The following CLCNKA variants were observed in gnomAD, a reference collection of about 807,000 sequenced individuals.
CLCNKA encodes chloride voltage-gated channel Ka, also known as chloride channel protein ClC-Ka.
A neutral mutation model predicts 83.3 loss-of-function variants in CLCNKA; 66 were observed. The ratio of observed to expected loss-of-function variants is 0.79; its 90% CI spans 0.65 to 0.97. CLCNKA has a LOEUF of 0.97. Ranked by LOEUF, CLCNKA falls within the 50% of genes least tolerant of loss-of-function variation. The probability of loss-of-function intolerance (pLI) is 0.00; values close to 1 mark genes in which losing one functional copy is unlikely to be tolerated. For missense variants in CLCNKA, 806 were observed against 888.7 expected, an observed-to-expected ratio of 0.91 and a Z score of 1.18; for synonymous variants, 357 against 370.4, an observed-to-expected ratio of 0.96 and a Z score of 0.42.
intron 3 of CLCNKA, 84 bp from the exon 4 acceptor site, chr1:16,024,679 C>G: frequency 3.8e-6 from 6 of 1,585,486 alleles, no homozygotes; most frequent in Non-Finnish European, 4.3e-6. Flanking sequence ...ACTCCATTTC[C>G]TGGTCAGTAA....
chr1:16,027,952 C>A (rs1436200184), intron 9 of CLCNKA, 47 bp downstream of exon 9: 5 of 1,614,028 alleles, frequency 3.1e-6, no homozygotes, highest in Non-Finnish European at 4.2e-6. Flanking sequence ...GCATTCCCCC[C>A]AAGGCCTGGA....
chr1:16,029,437 A>T (rs1375769374), intron 12 of CLCNKA, 138 bp downstream of exon 12: 1 of 1,338,594 alleles, frequency 7.5e-7, no homozygotes, highest in Non-Finnish European at 1.0e-6. Context: ...TGCCCACTGC[A>T]TGGTCCTGGA....
At chr1:16,024,982 C>T in intron 4 of CLCNKA, 91 bp downstream of exon 4, 2 of 1,542,032 alleles carry the variant, frequency 1.3e-6, no homozygotes, top group South Asian at 1.1e-5. Context: ...AAGCTGCAGC[C>T]TCATTTCTCA....
chr1:16,028,556 T>C (rs1315633675), intron 10 of CLCNKA: 4 of 706,260 alleles, frequency 5.7e-6, no homozygotes, highest in Non-Finnish European at 7.7e-6. Flanking sequence ...CCCTCAGTCA[T>C]ACCCAGTTGA....
At position 16,028,798 on chromosome 1, in the gene CLCNKA, G is replaced by A. The variant is rs369364364; in HGVS notation, c.1006G>A (p.Ala336Thr). Residue 336 changes from alanine to threonine, a missense_variant, in exon 11 of 20, where the codon GCC becomes ACC. Coordinates refer to ENST00000331433, the MANE Select transcript of CLCNKA (RefSeq NM_004070.4). ...VYSALATLLL[A>T]SITYPPGVGH... is the part of the protein sequence containing the mutation. ...CTCCGCTCTGGCCACCTTGCTTCTC[G>A]CCTCCATCACCTACCCGCCTGGTGT... 4.0e-5 allele frequency: 64 copies of A among 1,613,978 alleles called. No individual in the cohort carries two copies. The highest frequency in any genetic ancestry group is 6.7e-5 in the Admixed American group (4 of 59,996).
intron 18 of CLCNKA, 98 bp downstream of exon 18, chr1:16,032,624 G>A (rs962019601): frequency 3.9e-5 from 36 of 917,526 alleles, no homozygotes; most frequent in Non-Finnish European, 5.0e-5. Context: ...ACCCCGCCCC[G>A]CCCATCTTAT....
rs1557457630 is a variant in CLCNKA at position 16,032,491 on chromosome 1, AC to A, written c.1897del (p.Leu633Ter). 6.2e-7 allele frequency: 1 copy of A among 1,613,252 alleles called. No homozygotes were observed. The highest frequency in any genetic ancestry group is 1.1e-5 in the South Asian group (1 of 91,088). ...CAGGGGCTGCCCCACGGAACCAGTG[AC>A]CCTGACGCTATTCTCAGAGACCACC... ...LARGCPTEPV[T>X]LTLFSETTLH... is the part of the protein sequence containing the mutation. On this transcript the variant is annotated frameshift_variant, in exon 18 of 20. Coordinates refer to ENST00000331433, the MANE Select transcript of CLCNKA (RefSeq NM_004070.4). LOFTEE classifies it high-confidence loss of function.
intron 1 of CLCNKA, 115 bp from the exon 2 acceptor site, chr1:16,022,498 A>G (rs1408094023): frequency 3.2e-5 from 23 of 707,694 alleles, no homozygotes; most frequent in Non-Finnish European, 7.1e-6. Context: ...TAACACACAC[A>G]CACACGCACA....
In CLCNKA at chr1:16,029,117, C is replaced by T; in HGVS notation, c.1054-9C>T. On this transcript the variant is annotated splice_polypyrimidine_tract_variant and intron_variant, in intron 11 of 19. Transcript: ENST00000331433. ...CCCTCATGTCCAGTTCCCACCTGCC[C>T]CGCCACAGCTGTCCATGAAGCAGCA... is the stretch of plus-strand genomic sequence containing the variant. 6.2e-7 allele frequency: 1 copy of T among 1,610,700 alleles called. No individual in the cohort carries two copies.
chr1:16,026,739 G>A lies in CLCNKA; in HGVS notation c.619G>A (p.Val207Met). 1.9e-6 allele frequency: 3 copies of A among 1,613,540 alleles called. No individual in the cohort carries two copies. Among genetic ancestry groups the A allele is most frequent in the Non-Finnish European group, 2.5e-6 (3 of 1,179,840 alleles). ...QNEMLVAAAA[V>M]GVATVFAAPF... is the part of the protein sequence containing the mutation. ...CGAAATGCTGGTGGCAGCGGCGGCA[G>A]TGGGCGTGGCCACAGTCTTTGCAGC... The change falls in exon 7 of 20, where the codon GTG becomes ATG. Residue 207 changes from valine to methionine, a missense_variant. By Grantham distance (21) the Val-to-Met change is conservative (BLOSUM62 1). Coordinates refer to ENST00000331433, the MANE Select transcript of CLCNKA (RefSeq NM_004070.4).
chr1:16,031,674 G>A lies in CLCNKA; in HGVS notation c.1623-36G>A, dbSNP rs200386181. Reference sequence around the variant, plus strand: ...TTGCTGGCCTGGGTCTGACATCCCCGACTCCGGGACCTGATGGGAGCCCCT... The same window carrying A: ...TTGCTGGCCTGGGTCTGACATCCCCAACTCCGGGACCTGATGGGAGCCCCT... On this transcript the variant is annotated intron_variant, in intron 15 of 19. Coordinates refer to ENST00000331433, the MANE Select transcript of CLCNKA (RefSeq NM_004070.4). 1,281 of 1,613,250 alleles carry A rather than the reference G, an allele frequency of 7.9e-4. 1 individual carries two copies. Among genetic ancestry groups the A allele is most frequent in the Non-Finnish European group, 9.9e-4 (1,173 of 1,179,966 alleles).
chr1:16,028,773 C>G lies in CLCNKA; in HGVS notation c.981C>G (p.Tyr327Ter). The G allele has an allele frequency of 6.2e-7, 1 of 1,614,170 alleles. No individual in the cohort carries two copies. Among genetic ancestry groups the G allele is most frequent in the Non-Finnish European group, 8.5e-7 (1 of 1,180,032 alleles). ...CCACCCCCCACAGCAAGCCTGTGTA[C>G]TCCGCTCTGGCCACCTTGCTTCTCG... Reference protein sequence around the residue: ...SKLLATSKPVYSALATLLLAS... With the variant: ...SKLLATSKPV Residue 327 changes from tyrosine (Y) to a stop codon, truncating the protein, a stop_gained, in exon 11 of 20, where the codon TAC (tyrosine) becomes TAG (stop). Coordinates refer to ENST00000331433, the MANE Select transcript of CLCNKA (RefSeq NM_004070.4). LOFTEE classifies it high-confidence loss of function.
Position 16,033,249 on chromosome 1 carries a change from G to A in CLCNKA, c.2009G>A (p.Trp670Ter), listed in dbSNP as rs1336024728. The change falls in exon 19 of 20, where the codon TGG becomes TAG. Residue 670 changes from tryptophan (W) to a stop codon, truncating the protein, a stop_gained. Coordinates refer to ENST00000331433, the MANE Select transcript of CLCNKA (RefSeq NM_004070.4). LOFTEE classifies it high-confidence loss of function. ...SRGRAVGCVS[W>*]VEMKKAISNL... The stretch of plus-strand genomic sequence containing the variant: ...GGCAGAGCTGTGGGCTGCGTGTCCT[G>A]GGTGGAGGTACCAGGGTCCCGGGGG... 6.2e-7 allele frequency: 1 copy of A among 1,614,092 alleles called. No individual in the cohort carries two copies. Among genetic ancestry groups the A allele is most frequent in the African/African-American group, 1.3e-5 (1 of 75,054 alleles).
intron 8 of CLCNKA, 121 bp downstream of exon 8, chr1:16,027,556 T>A: frequency 6.6e-7 from 1 of 1,525,820 alleles, no homozygotes; most frequent in Non-Finnish European, 8.9e-7. Context: ...TTTTCCCTCC[T>A]CCGTGTTCCC....
chr1:16,029,210 G>T lies in CLCNKA; in HGVS notation c.1138G>T (p.Glu380Ter). ...MTQNSSPPWP[E>*]ELDPQHLWWE... ...CCAGAACTCCAGCCCACCCTGGCCCGAGGAGCTCGACCCCCAGCACCTTTG... is the reference window on the plus strand; with the variant it reads ...CCAGAACTCCAGCCCACCCTGGCCCTAGGAGCTCGACCCCCAGCACCTTTG... The change falls in exon 12 of 20, where the codon GAG becomes TAG. Residue 380 changes from glutamate (E) to a stop codon, truncating the protein, a stop_gained. Transcript: ENST00000331433. LOFTEE classifies it high-confidence loss of function. 2 of 1,613,592 alleles carry T rather than the reference G, an allele frequency of 1.2e-6. No homozygotes were observed. The highest frequency in any genetic ancestry group is 1.7e-6 in the Non-Finnish European group (2 of 1,179,856).
chr1:16,029,662 C>T, intron 12 of CLCNKA, 69 bp from the exon 13 acceptor site: 1 of 1,578,268 alleles, frequency 6.3e-7, no homozygotes, highest in Admixed American at 1.7e-5. Flanking sequence ...TGTCCCCTGT[C>T]CTGTCTTCTC....
intron 10 of CLCNKA, 40 bp downstream of exon 10, chr1:16,028,159 C>G: frequency 6.4e-7 from 1 of 1,570,106 alleles, no homozygotes; most frequent in East Asian, 2.2e-5. Flanking sequence ...CTCAGTGAGT[C>G]CCTTGTGGAC....
rs143723773 is a variant in CLCNKA, at chr1:16,030,765, C to T, written c.1622+91C>T. The stretch of plus-strand genomic sequence containing the variant: ...GGGCACCTCCAAAAAGAAACACCAC[C>T]GCAGCTGACCTCCGACATGGGGGCT... On this transcript the variant is annotated intron_variant, in intron 15 of 19. Transcript: ENST00000331433. 1,202 of 1,526,056 alleles carry T rather than the reference C, an allele frequency of 7.9e-4. 15 individuals are homozygous for T. In the African/African-American group the frequency reaches 0.014, roughly 18 times the overall value. 94.5% of individuals were successfully genotyped at this position (1,526,056 alleles called of 1,614,324 possible). A position where few individuals can be genotyped will look rare whatever the true frequency, so the allele number is the denominator to read the frequency against.
chr1:16,027,211 A>G, intron 7 of CLCNKA, 99 bp from the exon 8 acceptor site: 2 of 1,535,068 alleles, frequency 1.3e-6, no homozygotes, highest in South Asian at 2.2e-5. Context: ...GTAGGACAGC[A>G]GGACAGATGG....
Sources: gnomAD v4.1 joint callset for allele counts on GRCh38, gnomAD v4.1.1 for gene constraint, MANE v1.5 for transcripts, NCBI Gene and HGNC (gene_info 2026-07-23, HGNC 2026-07-21) for gene names.